Variants in SCN7A observed in about 807,000 individuals in gnomAD.
SCN7A encodes the protein sodium voltage-gated channel alpha subunit 7, also known as sodium channel protein type 7 subunit alpha.
A neutral mutation model predicts 155.2 loss-of-function variants in SCN7A; 138 were observed. The observed-to-expected ratio is 0.89, with a 90% CI of 0.77 to 1.02. The LOEUF (loss-of-function observed/expected upper bound fraction) is 1.02, where lower values mean the gene tolerates loss of function less well. SCN7A is among the 50% of genes least tolerant of loss of function. The probability of loss-of-function intolerance (pLI) is 0.00; values close to 1 mark genes in which losing one functional copy is unlikely to be tolerated. For synonymous variants in SCN7A, 693 were observed against 649.0 expected, an observed-to-expected ratio of 1.07 and a Z score of -1.03; for missense variants, 2,058 against 1,986.6, an observed-to-expected ratio of 1.04 and a Z score of -0.68.
chr2:166,478,562 T>C lies in SCN7A; in HGVS notation c.-14-852A>G, dbSNP rs111531019. Reference sequence around the variant, plus strand: ...ACAGGTAAAAACAAAATTATCTTTCTGCATGACTAGAATTACTCTTTAACC... The same window carrying C: ...ACAGGTAAAAACAAAATTATCTTTCCGCATGACTAGAATTACTCTTTAACC... On this transcript the variant is annotated intron_variant, in intron 2 of 25. Transcript: ENST00000643258. 9.3e-3 allele frequency among the ~76,000 whole-genome samples: 1,414 copies of C among 152,000 alleles called. 16 individuals carry two copies. The highest frequency in any genetic ancestry group is 0.033 in the African/African-American group (1,361 of 41,532).
At chr2:166,441,350 C>A in intron 15 of SCN7A, 46 bp downstream of exon 15, 1 of 1,359,284 alleles carries the variant, frequency 7.4e-7, no homozygotes, top group Non-Finnish European at 1.0e-6. Context: ...TACCAAACTA[C>A]CTTATACCAG....
rs564742353 is a variant in SCN7A at position 166,437,810 on chromosome 2, C to T, written c.2157+3586G>A. ...TTCAGACTTGCATGGTGGCTGTACCCCTTTGTTTTTGTCAGTGTCTCCCAT... is the reference window on the plus strand; with the variant it reads ...TTCAGACTTGCATGGTGGCTGTACCTCTTTGTTTTTGTCAGTGTCTCCCAT... On this transcript the variant is annotated intron_variant, in intron 15 of 25. Coordinates refer to ENST00000643258, the MANE Select transcript of SCN7A (RefSeq NM_002976.4). Among the ~76,000 whole-genome samples, 8 of 152,072 alleles carry T rather than the reference C, an allele frequency of 5.3e-5. No individual in the cohort carries two copies. The East Asian group carries it at 1.4e-3, about 26-fold the overall frequency.
rs199944773 is a variant in SCN7A, at chr2:166,409,666, T to G, written c.3981A>C (p.Thr1327=). 6.7e-7 allele frequency: 1 copy of G among 1,498,956 alleles called. No individual in the cohort carries two copies. The highest frequency in any genetic ancestry group is 2.5e-5 in the Admixed American group (1 of 40,534). The allele number at this position is 1,498,956 out of a possible 1,614,324, so 92.9% of individuals were successfully genotyped here. A position where few individuals can be genotyped will look rare whatever the true frequency, so the allele number is the denominator to read the frequency against. Residue 1327 remains threonine (T), a splice_region_variant and synonymous_variant, in exon 25 of 26, where the codon ACA becomes ACC. Coordinates refer to ENST00000643258, the MANE Select transcript of SCN7A (RefSeq NM_002976.4). ...AAATTTGACTAAACAAAATCTTACC[T>G]GTGATGGAGAAAATAACCACCATAA... is the stretch of plus-strand genomic sequence containing the variant. ...FDFMVVIFSI[T]GLCLPMTVGS... is the part of the protein sequence containing the mutation.
chr2:166,435,023 T>C (rs2105419300), intron 15 of SCN7A, among the ~76,000 whole-genome samples: 1 of 152,206 alleles, frequency 6.6e-6, no homozygotes, highest in South Asian at 2.1e-4. Flanking sequence ...ATTTCTTATA[T>C]CTTAGACATA....
Position 166,417,702 on chromosome 2 carries a change from A to G in SCN7A, c.3136-717T>C, listed in dbSNP as rs540705154. 2.0e-5 allele frequency among the ~76,000 whole-genome samples: 3 copies of G among 150,960 alleles called. No individual in the cohort carries two copies. In the Admixed American group the frequency reaches 2.0e-4, roughly 10 times the overall value. Reference sequence around the variant, plus strand: ...TATGAGATTATTTTAAAATATATATATTATATATTTTAAGTGAAATATAAT... The same window carrying G: ...TATGAGATTATTTTAAAATATATATGTTATATATTTTAAGTGAAATATAAT... On this transcript the variant is annotated intron_variant, in intron 20 of 25. Coordinates refer to ENST00000643258, the MANE Select transcript of SCN7A (RefSeq NM_002976.4).
intron 11 of SCN7A, among the ~76,000 whole-genome samples, chr2:166,455,379 C>A (rs1288388606): frequency 6.6e-6 from 1 of 151,954 alleles, no homozygotes; most frequent in Non-Finnish European, 1.5e-5. Context: ...AAAAATGAAA[C>A]CATGTCATTT....
Position 166,474,329 on chromosome 2 carries a change from T to G in SCN7A, c.250A>C (p.Asn84His). 6.7e-7 allele frequency: 1 copy of G among 1,485,884 alleles called. No homozygotes were observed. The highest frequency in any genetic ancestry group is 9.1e-7 in the Non-Finnish European group (1 of 1,097,568). The allele number at this position is 1,485,884 out of a possible 1,614,324, so 92.0% of individuals were successfully genotyped here. Reference sequence around the variant, plus strand: ...AATCTGAAGATTGTTCTATTTTTATTTAATACTATGAAAGTCTGTAAGAAG... The same window carrying G: ...AATCTGAAGATTGTTCTATTTTTATGTAATACTATGAAAGTCTGTAAGAAG... Reference protein sequence around the residue: ...YKKKNTFIVLNKNRTIFRFNA... With the variant: ...YKKKNTFIVLHKNRTIFRFNA... Residue 84 changes from asparagine (N) to histidine (H), a missense_variant, in exon 4 of 26, where the codon AAT becomes CAT. Physicochemically the swap from Asn to His is moderately conservative, Grantham distance 68. Transcript: ENST00000643258.
chr2:166,475,093 C>T (rs7607267), intron 3 of SCN7A, among the ~76,000 whole-genome samples: 72,196 of 128,594 alleles, frequency 0.56, 20,261 homozygotes, highest in African/African-American at 0.6. Context: ...TATATATATA[C>T]ACATATATAT....
At chr2:166,463,522 T>TGCA (rs1444610260) in intron 9 of SCN7A, among the ~76,000 whole-genome samples, 4 of 152,246 alleles carry the variant, frequency 2.6e-5, no homozygotes, top group Non-Finnish European at 4.4e-5. Context: ...GTATGACTGC[T>TGCA]GCAGGTGAAA....
chr2:166,489,927 T>A (rs1683047239), intron 1 of SCN7A, among the ~76,000 whole-genome samples: 2 of 152,192 alleles, frequency 1.3e-5, no homozygotes, highest in East Asian at 1.9e-4. Context: ...ACTGCCATTT[T>A]AAAAAATATT....
rs1352429711 is a variant in SCN7A, at chr2:166,406,428, T to C, written c.4201A>G (p.Asn1401Asp). The C allele has an allele frequency of 6.2e-7, 1 of 1,612,982 alleles. No individual in the cohort carries two copies. ...MFIYAVFGMY[N>D]FAYVKKEAGI... ...GCTTCTTTTTTAACATAGGCAAAAT[T>C]ATACATTCCAAATACGGCATAGATG... Residue 1401 changes from asparagine to aspartate, a missense_variant, in exon 26 of 26, where the codon AAT becomes GAT. Asn to Asp is a conservative substitution (Grantham distance 23, BLOSUM62 1). Coordinates refer to ENST00000643258, the MANE Select transcript of SCN7A (RefSeq NM_002976.4).
At chr2:166,434,668 T>A (rs1224580708) in intron 15 of SCN7A, among the ~76,000 whole-genome samples, 1 of 152,158 alleles carries the variant, frequency 6.6e-6, no homozygotes, top group Non-Finnish European at 1.5e-5. Flanking sequence ...ACTCTATGAT[T>A]CTCAAAGGAC....
chr2:166,408,972 G>A (rs1481556463), intron 25 of SCN7A, among the ~76,000 whole-genome samples: 1 of 151,858 alleles, frequency 6.6e-6, no homozygotes, highest in Non-Finnish European at 1.5e-5. Context: ...TCTACTTACT[G>A]ATTAGGTGAC....
At position 166,410,209 on chromosome 2, in the gene SCN7A, C is replaced by T. The variant is rs781775851; in HGVS notation, c.3711+11G>A. The T allele has an allele frequency of 3.3e-6, 5 of 1,518,794 alleles. No individual in the cohort carries two copies. In the South Asian group the frequency reaches 3.8e-5, roughly 11 times the overall value. 94.1% of individuals were successfully genotyped at this position (1,518,794 alleles called of 1,614,324 possible). The stretch of plus-strand genomic sequence containing the variant: ...CCATTGAAGTTTCAAAAAATCTAGA[C>T]ATTTTCTTACTAATGGGCGAGGTAC... On this transcript the variant is annotated intron_variant, in intron 24 of 25. Coordinates refer to ENST00000643258, the MANE Select transcript of SCN7A (RefSeq NM_002976.4).
At chr2:166,407,604 C>A (rs975346180) in intron 25 of SCN7A, among the ~76,000 whole-genome samples, 1 of 151,928 alleles carries the variant, frequency 6.6e-6, no homozygotes, top group Non-Finnish European at 1.5e-5. Context: ...GACCCAAATT[C>A]TCATTTCCCT....
At chr2:166,460,072 A>G (rs1368863482) in intron 10 of SCN7A, among the ~76,000 whole-genome samples, 1 of 152,204 alleles carries the variant, frequency 6.6e-6, no homozygotes, top group Non-Finnish European at 1.5e-5. Flanking sequence ...GCACATATAT[A>G]CCTAAGTAAC....
At chr2:166,447,550 T>G (rs1340130445) in intron 12 of SCN7A, 62 bp downstream of exon 12, 25 of 1,123,238 alleles carry the variant, frequency 2.2e-5, no homozygotes, top group Non-Finnish European at 3.1e-5. Flanking sequence ...CTGAATTTCT[T>G]TAAAAGTGAA....
chr2:166,407,859 GT>G (rs1356844407), intron 25 of SCN7A, among the ~76,000 whole-genome samples: 1 of 151,806 alleles, frequency 6.6e-6, no homozygotes, highest in Non-Finnish European at 1.5e-5. Context: ...TGTCCTCTAA[GT>G]TCCTTCCCCT....
chr2:166,414,271 C>CACAT (rs1701301156), intron 21 of SCN7A, among the ~76,000 whole-genome samples: 1 of 27,750 alleles, frequency 3.6e-5, no homozygotes, highest in Non-Finnish European at 7.3e-5. Context: ...TATACACACA[C>CACAT]ATATATATAT....
Sources: gnomAD v4.1 joint callset for allele counts (sites outside exome capture counted in the v4.1 genomes callset) on GRCh38, gnomAD v4.1.1 for gene constraint, MANE v1.5 for transcripts, NCBI Gene and HGNC (gene_info 2026-07-23, HGNC 2026-07-21) for gene names.